Variants in POLA1 observed in about 807,000 individuals in gnomAD.
POLA1 encodes DNA polymerase alpha catalytic subunit.
In POLA1, 15 loss-of-function variants were observed where a neutral mutation model predicts 124.0. The observed-to-expected ratio is 0.12, with a 90% CI of 0.08 to 0.19. POLA1 has a LOEUF of 0.19. Among genes scored for constraint, POLA1 ranks in the 10% least tolerant of loss-of-function variants. The pLI is 1.00. For synonymous variants in POLA1, 408 were observed against 389.4 expected, an observed-to-expected ratio of 1.05 and a Z score of -0.56; for missense variants, 886 against 1,103.4, an observed-to-expected ratio of 0.80 and a Z score of 2.79.
Position 24,821,591 on chromosome X carries a change from A to G in POLA1, c.3561+8A>G, listed in dbSNP as rs775624883. Reference sequence around the variant, plus strand: ...TCATATGTCATCTGTCAGGTAAACTATTGACATTCGTAAGACTCTGACACC... The same window carrying G: ...TCATATGTCATCTGTCAGGTAAACTGTTGACATTCGTAAGACTCTGACACC... On this transcript the variant is annotated splice_region_variant and intron_variant, in intron 31 of 36. Coordinates refer to ENST00000379068, the MANE Select transcript of POLA1 (RefSeq NM_001330360.2). 2.0e-5 allele frequency: 24 copies of G among 1,182,904 alleles called. 1 individual carries two copies. In the South Asian group the frequency reaches 3.2e-4, roughly 16 times the overall value.
intron 25 of POLA1, 84 bp downstream of exon 25, chrX:24,748,544 A>C: frequency 1.3e-6 from 1 of 794,461 alleles, no homozygotes. Context: ...GATGCTGGGC[A>C]ATTGCAGGTA....
intron 22 of POLA1, among the ~76,000 whole-genome samples, chrX:24,742,669 A>G (rs1191650106): frequency 8.9e-6 from 1 of 111,854 alleles, no homozygotes; most frequent in African/African-American, 3.2e-5. Flanking sequence ...TTGTTTTTTA[A>G]TGTACATTAT....
chrX:24,753,240 G>T (rs978623652), intron 26 of POLA1, among the ~76,000 whole-genome samples: 1 of 110,380 alleles, frequency 9.1e-6, no homozygotes, highest in African/African-American at 3.3e-5. Flanking sequence ...GGATGGTCTC[G>T]ATCTCCTGAC....
chrX:24,822,492 A>G (rs955508901), intron 31 of POLA1, among the ~76,000 whole-genome samples: 2 of 112,805 alleles, frequency 1.8e-5, no homozygotes, highest in Admixed American at 9.4e-5. Context: ...AACCACAATC[A>G]ATGTGTTTTT....
chrX:24,797,489 G>C (rs2045628542), intron 26 of POLA1, among the ~76,000 whole-genome samples: 1 of 110,797 alleles, frequency 9.0e-6, no homozygotes, highest in Admixed American at 9.6e-5. Context: ...ATGTACATGT[G>C]TGTGTATGTA....
intron 11 of POLA1, 69 bp downstream of exon 11, chrX:24,723,336 A>G: frequency 1.5e-6 from 1 of 666,626 alleles, no homozygotes; most frequent in Non-Finnish European, 2.4e-6. Flanking sequence ...TTTTGCAGCC[A>G]GCTCTCTCTC....
intron 35 of POLA1, among the ~76,000 whole-genome samples, chrX:24,916,662 G>A (rs890389895): frequency 3.6e-5 from 4 of 111,607 alleles, no homozygotes; most frequent in African/African-American, 1.3e-4. Flanking sequence ...GACCTAGACT[G>A]GGGAGATGTA....
chrX:24,889,316 C>T (rs182412993), intron 35 of POLA1, among the ~76,000 whole-genome samples: 4 of 112,282 alleles, frequency 3.6e-5, no homozygotes, highest in Admixed American at 9.4e-5. Flanking sequence ...TGAGCATCTT[C>T]GACCCAAACA....
intron 34 of POLA1, among the ~76,000 whole-genome samples, chrX:24,872,327 T>G (rs2046876667): frequency 9.0e-6 from 1 of 110,703 alleles, no homozygotes; most frequent in Admixed American, 9.6e-5. Context: ...ATAAATGAGA[T>G]TATAAATCTC....
At chrX:24,874,711 C>T (rs1295884809) in intron 34 of POLA1, among the ~76,000 whole-genome samples, 1 of 111,523 alleles carries the variant, frequency 9.0e-6, no homozygotes, top group Non-Finnish European at 1.9e-5. Flanking sequence ...TGTTCTCCAA[C>T]TGAGGTCCCA....
chrX:24,844,248 A>G (rs1046494869), intron 34 of POLA1, among the ~76,000 whole-genome samples: 2 of 112,170 alleles, frequency 1.8e-5, no homozygotes, highest in African/African-American at 6.5e-5. Context: ...TAAAAATGCC[A>G]GAACAGTGAG....
At chrX:24,943,683 G>T (rs2047931464) in intron 36 of POLA1, among the ~76,000 whole-genome samples, 1 of 112,312 alleles carries the variant, frequency 8.9e-6, no homozygotes, top group South Asian at 3.7e-4. Context: ...ATGCTACAAA[G>T]AAATTTTCAA....
chrX:24,748,774 G>T, intron 25 of POLA1, 96 bp from the exon 26 acceptor site: 1 of 897,689 alleles, frequency 1.1e-6, no homozygotes, highest in Non-Finnish European at 1.6e-6. Flanking sequence ...GATATTGAGG[G>T]TTTCCCTTTT....
rs1250194418 is a variant in POLA1, at chrX:24,908,718, A to G, written c.4164+20596A>G. 4.5e-5 allele frequency among the ~76,000 whole-genome samples: 5 copies of G among 111,422 alleles called. No individual in the cohort carries two copies. The Admixed American group carries it at 4.8e-4, about 11-fold the overall frequency. On this transcript the variant is annotated intron_variant, in intron 35 of 36. Coordinates refer to ENST00000379068, the MANE Select transcript of POLA1 (RefSeq NM_001330360.2). ...ACACGTGTGCATGTGTCTTTATAGC[A>G]GCATGATTTATAATCCTTTAGGTAT...
chrX:24,853,725 A>T (rs889189397), intron 34 of POLA1, among the ~76,000 whole-genome samples: 2 of 111,205 alleles, frequency 1.8e-5, no homozygotes, highest in African/African-American at 6.5e-5. Flanking sequence ...TTAATTTTTG[A>T]GAAGATGTCT....
intron 4 of POLA1, among the ~76,000 whole-genome samples, chrX:24,707,966 G>A (rs1023355564): frequency 8.9e-6 from 1 of 112,287 alleles, no homozygotes; most frequent in Non-Finnish European, 1.9e-5. Flanking sequence ...CTGCACTCCA[G>A]CCTGGGTGAC....
At chrX:24,907,176 G>A (rs1399280086) in intron 35 of POLA1, among the ~76,000 whole-genome samples, 1 of 110,927 alleles carries the variant, frequency 9.0e-6, no homozygotes, top group African/African-American at 3.3e-5. Flanking sequence ...GCGCGACAGA[G>A]CAAGACTCTG....
At chrX:24,936,848 C>T (rs898366691) in intron 36 of POLA1, among the ~76,000 whole-genome samples, 3 of 111,784 alleles carry the variant, frequency 2.7e-5, no homozygotes, top group Non-Finnish European at 3.8e-5. Context: ...GTTATTCCAT[C>T]GAAAAACTGT....
chrX:24,768,389 G>A (rs1278844880), intron 26 of POLA1, among the ~76,000 whole-genome samples: 1 of 111,713 alleles, frequency 9.0e-6, no homozygotes, highest in Non-Finnish European at 1.9e-5. Flanking sequence ...GTATTTTGTG[G>A]AATAAAATAG....
Sources: gnomAD v4.1 joint callset for allele counts (sites outside exome capture counted in the v4.1 genomes callset) on GRCh38, gnomAD v4.1.1 for gene constraint, MANE v1.5 for transcripts, NCBI Gene and HGNC (gene_info 2026-07-23, HGNC 2026-07-21) for gene names.